The following PAX6 variants were observed in gnomAD, a reference collection of about 807,000 sequenced individuals.
The protein encoded by PAX6 is paired box protein Pax-6.
In PAX6, 7 loss-of-function variants were observed where a neutral mutation model predicts 60.7. That is an observed-to-expected ratio of 0.12 (90% CI 0.07 to 0.22). PAX6 has a LOEUF of 0.22. Among genes scored for constraint, PAX6 ranks in the 10% least tolerant of loss-of-function variants. The pLI, the probability that PAX6 is intolerant of heterozygous loss-of-function variation, is 1.00. For synonymous variants in PAX6, 208 were observed against 201.2 expected (o/e 1.03, Z -0.29); for missense variants, 355 against 555.2 (o/e 0.64, Z 3.62).
intron 1 of PAX6, among the ~76,000 whole-genome samples, chr11:31,817,387 A>T (rs934940909): frequency 1.3e-5 from 2 of 152,240 alleles, no homozygotes; most frequent in Non-Finnish European, 2.9e-5. Context: ...TAAGCGCTCC[A>T]GGCGCGGGTA....
chr11:31,816,430 C>T (rs1829955154), intron 1 of PAX6: 1 of 654,120 alleles, frequency 1.5e-6, no homozygotes, highest in Non-Finnish European at 2.8e-6. Context: ...GGACTCTGGT[C>T]AGAGGTAATT....
chr11:31,790,674 T>C (rs1210928724), intron 13 of PAX6, 36 bp downstream of exon 13: 1 of 1,613,600 alleles, frequency 6.2e-7, no homozygotes, highest in Admixed American at 1.7e-5. Flanking sequence ...TGAAGAGAGA[T>C]CGCCTCTGTG....
At chr11:31,802,183 C>G in intron 5 of PAX6, 1 of 467,118 alleles carries the variant, frequency 2.1e-6, no homozygotes, top group Non-Finnish European at 3.8e-6. Flanking sequence ...AAAAAATAAA[C>G]TGATTTTTTT....
chr11:31,809,649 A>G (rs957518259), intron 2 of PAX6: 3 of 152,226 alleles, frequency 2.0e-5, no homozygotes, highest in Non-Finnish European at 4.4e-5. Context: ...AACTTTGAAA[A>G]GACACTTTTC....
chr11:31,798,684 A>G lies in PAX6; in HGVS notation c.565+2007T>C, dbSNP rs78832498. Among the ~76,000 whole-genome samples the G allele has an allele frequency of 4.9e-3, 743 of 152,312 alleles. 3 individuals are homozygous for G. Among genetic ancestry groups the G allele is most frequent in the Non-Finnish European group, 8.2e-3 (558 of 68,012 alleles). ...TGCGGGTGGGGGGGTGGTGATTGCC[A>G]GTTGACCCAGAATTTTCTAGCAACT... On this transcript the variant is annotated intron_variant, in intron 8 of 13. Transcript: ENST00000640368.
At chr11:31,798,635 C>T (rs958967571) in intron 8 of PAX6, among the ~76,000 whole-genome samples, 1 of 152,146 alleles carries the variant, frequency 6.6e-6, no homozygotes, top group Non-Finnish European at 1.5e-5. Flanking sequence ...CCTGAGGTGA[C>T]AATCACCCCC....
intron 8 of PAX6, chr11:31,800,387 T>C: frequency 3.9e-6 from 2 of 515,858 alleles, no homozygotes; most frequent in South Asian, 2.1e-5. Context: ...ATGTCAAATT[T>C]GAATAGTGCA....
intron 9 of PAX6, 65 bp downstream of exon 9, chr11:31,794,565 C>T (rs189336950): frequency 6.5e-7 from 1 of 1,547,854 alleles, no homozygotes; most frequent in Non-Finnish European, 8.9e-7. Context: ...AAATTTAGCT[C>T]TTTGTACTGA....
intron 8 of PAX6, among the ~76,000 whole-genome samples, chr11:31,800,379 GT>G (rs1953277094): frequency 6.6e-6 from 1 of 152,166 alleles, no homozygotes; most frequent in African/African-American, 2.4e-5. Context: ...GCATTCTAAT[GT>G]CAAATTTGAA....
rs922357075 is a variant in PAX6, at chr11:31,794,533, T to C, written c.724+97A>G. 99 of 1,223,284 alleles carry C rather than the reference T, an allele frequency of 8.1e-5. No homozygotes were observed. In the Admixed American group the frequency reaches 1.7e-3, roughly 21 times the overall value. 75.8% of individuals were successfully genotyped at this position (1,223,284 alleles called of 1,614,324 possible). A position where few individuals can be genotyped will look rare whatever the true frequency, so the allele number is the denominator to read the frequency against. ...CAGAAAAAAGGAAATCTTTTCATTCTTCTATGCAAAGGGCCCTGGCTAAAT... is the reference window on the plus strand; with the variant it reads ...CAGAAAAAAGGAAATCTTTTCATTCCTCTATGCAAAGGGCCCTGGCTAAAT... On this transcript the variant is annotated intron_variant, in intron 9 of 13. Coordinates refer to ENST00000640368, the MANE Select transcript of PAX6 (RefSeq NM_001368894.2).
chr11:31,796,971 A>T (rs1951770074), intron 8 of PAX6, among the ~76,000 whole-genome samples: 1 of 152,098 alleles, frequency 6.6e-6, no homozygotes, highest in South Asian at 2.1e-4. Flanking sequence ...GTTTCCGGGG[A>T]CTTTTCAAAG....
intron 2 of PAX6, chr11:31,807,451 C>T (rs1344968161): frequency 6.6e-6 from 1 of 152,216 alleles, no homozygotes; most frequent in Non-Finnish European, 1.5e-5. Context: ...TTATCTTCTA[C>T]TCCTCTCCCT....
intron 13 of PAX6, 172 bp downstream of exon 13, chr11:31,790,538 T>C: frequency 1.0e-6 from 1 of 965,898 alleles, no homozygotes; most frequent in Non-Finnish European, 1.2e-6. Flanking sequence ...GTCTATATGG[T>C]GTAAAGTTAC....
Position 31,802,446 on chromosome 11 carries a change from A to T in PAX6, c.141+258T>A, listed in dbSNP as rs568646432. The T allele has an allele frequency of 8.2e-4, 385 of 467,272 alleles. 1 individual carries two copies. The highest frequency in any genetic ancestry group is 3.5e-3 in the East Asian group (96 of 27,104). The allele number at this position is 467,272 out of a possible 1,614,324, so 28.9% of individuals were successfully genotyped here. A position where few individuals can be genotyped will look rare whatever the true frequency, so the allele number is the denominator to read the frequency against. On this transcript the variant is annotated intron_variant, in intron 5 of 13. Coordinates refer to ENST00000640368, the MANE Select transcript of PAX6 (RefSeq NM_001368894.2). Reference sequence around the variant, plus strand: ...CAAATAAAAAGAGAAAGATTTTTTTAAAAAAATCCGCACACAATATTTTTC... The same window carrying T: ...CAAATAAAAAGAGAAAGATTTTTTTTAAAAAATCCGCACACAATATTTTTC...
Position 31,802,698 on chromosome 11 carries a change from G to A in PAX6, c.141+6C>T. ...GCGGCGAGTGGGGCGGCGCCGGGAG[G>A]ATCACCTGCAGAATTCGGGAAATGT... On this transcript the variant is annotated splice_donor_region_variant and intron_variant, in intron 5 of 13. Transcript: ENST00000640368. The A allele has an allele frequency of 6.2e-7, 1 of 1,610,552 alleles. No individual in the cohort carries two copies. Among genetic ancestry groups the A allele is most frequent in the South Asian group, 1.1e-5 (1 of 90,792 alleles).
intron 1 of PAX6, chr11:31,816,358 G>C: frequency 1.8e-6 from 1 of 562,774 alleles, no homozygotes; most frequent in Non-Finnish European, 3.1e-6. Flanking sequence ...CTCCGATCAC[G>C]AAGGGCACGG....
rs779502029 is a variant in PAX6 at position 31,800,906 on chromosome 11, C to T, written c.400-50G>A. The T allele has an allele frequency of 5.7e-6, 9 of 1,582,630 alleles. 1 individual carries two copies. Among genetic ancestry groups the T allele is most frequent in the South Asian group, 5.5e-5 (5 of 90,426 alleles). Reference sequence around the variant, plus strand: ...CAAATGGTAGTGTCTCCTGAAGACACAGTCACCCATCTCAGCTCACCCACA... The same window carrying T: ...CAAATGGTAGTGTCTCCTGAAGACATAGTCACCCATCTCAGCTCACCCACA... On this transcript the variant is annotated intron_variant, in intron 7 of 13. Coordinates refer to ENST00000640368, the MANE Select transcript of PAX6 (RefSeq NM_001368894.2).
chr11:31,794,877 CATT>C lies in PAX6; in HGVS notation c.566-92_566-90del, dbSNP rs1467316563. On this transcript the variant is annotated intron_variant, in intron 8 of 13. Transcript: ENST00000640368. ...CTGGTGTAGTCTTAAACTCCAAGAG[CATT>C]ATATCCCGACAGCCTCACCAAAACA... 913 of 1,216,640 alleles carry C rather than the reference CATT, an allele frequency of 7.5e-4. 6 individuals carry two copies. Among genetic ancestry groups the C allele is most frequent in the Non-Finnish European group, 2.0e-4 (162 of 822,906 alleles). 75.4% of individuals were successfully genotyped at this position (1,216,640 alleles called of 1,614,324 possible). A position where few individuals can be genotyped will look rare whatever the true frequency, so the allele number is the denominator to read the frequency against.
chr11:31,816,488 A>G (rs1040716932), intron 1 of PAX6: 4 of 700,878 alleles, frequency 5.7e-6, no homozygotes, highest in African/African-American at 1.7e-5. Context: ...CACGATCTCC[A>G]ATAAACATCT....
Sources: gnomAD v4.1 joint callset for allele counts (sites outside exome capture counted in the v4.1 genomes callset) on GRCh38, gnomAD v4.1.1 for gene constraint, MANE v1.5 for transcripts, NCBI Gene and HGNC (gene_info 2026-07-23, HGNC 2026-07-21) for gene names.